The following MTFR1 variants were observed in gnomAD, a reference collection of about 807,000 sequenced individuals.
The protein encoded by MTFR1 is mitochondrial fission regulator 1.
In MTFR1, 28 loss-of-function variants were observed where a neutral mutation model predicts 38.8. That is an observed-to-expected ratio of 0.72 (90% confidence interval 0.53 to 0.99). The LOEUF (loss-of-function observed/expected upper bound fraction) is 0.99. MTFR1 is among the 50% of genes least tolerant of loss of function. MTFR1 has a pLI of 0.00. For synonymous variants in MTFR1, 145 were observed against 137.0 expected (o/e 1.06, Z -0.41); for missense variants, 358 against 395.5 (o/e 0.91, Z 0.81).
chr8:65,729,653 T>C (rs908327158), intron 3 of MTFR1, among the ~76,000 whole-genome samples: 1 of 151,898 alleles, frequency 6.6e-6, no homozygotes, highest in African/African-American at 2.4e-5. Context: ...AGCCTCTGCC[T>C]CCCAGGTTCA....
intron 3 of MTFR1, among the ~76,000 whole-genome samples, chr8:65,748,364 A>G (rs1485818453): frequency 6.6e-6 from 1 of 152,214 alleles, no homozygotes; most frequent in East Asian, 1.9e-4. Context: ...AGTGTTCTAA[A>G]GGATAGGGAT....
At chr8:65,666,290 C>A (rs1265843924) in intron 1 of MTFR1, among the ~76,000 whole-genome samples, 1 of 145,420 alleles carries the variant, frequency 6.9e-6, no homozygotes, top group Non-Finnish European at 1.6e-5. Context: ...GCCTGTAATC[C>A]CAGCTCTCAG....
At chr8:65,655,027 C>T (rs747264421) in intron 1 of MTFR1, among the ~76,000 whole-genome samples, 96 of 152,308 alleles carry the variant, frequency 6.3e-4, no homozygotes, top group Non-Finnish European at 9.6e-4. Flanking sequence ...TTTGCTTCTA[C>T]TGATGTCCAG....
At chr8:65,650,324 A>C (rs1809088440) in intron 1 of MTFR1, among the ~76,000 whole-genome samples, 1 of 145,688 alleles carries the variant, frequency 6.9e-6, no homozygotes. Flanking sequence ...GGCGCCCACC[A>C]TCATGCCCAG....
chr8:65,709,791 TTTC>T lies in MTFR1; in HGVS notation c.*753_*755del, dbSNP rs1478810584. 3 of 152,656 alleles carry T rather than the reference TTTC, an allele frequency of 2.0e-5. No homozygotes were observed. The highest frequency in any genetic ancestry group is 3.8e-4 in the East Asian group (2 of 5,204). 9.5% of individuals were successfully genotyped at this position (152,656 alleles called of 1,614,324 possible). On this transcript the variant is annotated 3_prime_UTR_variant, in exon 8 of 8. Transcript: ENST00000262146. Reference sequence around the variant, plus strand: ...TGATGAATCAAATTATTGAATTAAATTTCTTCTTAAGAAGTAAAAACTCAGAAT... The same window carrying T: ...TGATGAATCAAATTATTGAATTAAATTTCTTAAGAAGTAAAAACTCAGAAT...
At chr8:65,712,611 A>ATGTTT (rs1444939561), downstream of MTFR1, among the ~76,000 whole-genome samples, 3 of 152,214 alleles carry the variant, frequency 2.0e-5, no homozygotes, top group Admixed American at 1.3e-4. Context: ...AGGAACAGAC[A>ATGTTT]TGTTATAGGT....
chr8:65,737,504 A>AATT (rs979537579), intron 3 of MTFR1, among the ~76,000 whole-genome samples: 11 of 152,156 alleles, frequency 7.2e-5, no homozygotes, highest in Non-Finnish European at 1.3e-4. Flanking sequence ...TGGTTATATT[A>AATT]ATTATTATTA....
At position 65,669,927 on chromosome 8, in the gene MTFR1, A is replaced by T; in HGVS notation, c.-26A>T. 1.3e-6 allele frequency: 2 copies of T among 1,599,734 alleles called. No individual in the cohort carries two copies. Among genetic ancestry groups the T allele is most frequent in the Non-Finnish European group, 8.5e-7 (1 of 1,175,918 alleles). On this transcript the variant is annotated 5_prime_UTR_variant, in exon 2 of 8. It introduces an in-frame stop codon into an upstream open reading frame of the 5' UTR. Coordinates refer to ENST00000262146, the MANE Select transcript of MTFR1 (RefSeq NM_014637.4). ...ATGCCTGAAGAAGTACTTGAAATGCAAATTTGGGGAGACTTTGCCATATAA... is the reference window on the plus strand; with the variant it reads ...ATGCCTGAAGAAGTACTTGAAATGCTAATTTGGGGAGACTTTGCCATATAA...
At chr8:65,669,199 C>G (rs1360006976) in intron 1 of MTFR1, among the ~76,000 whole-genome samples, 1 of 152,040 alleles carries the variant, frequency 6.6e-6, no homozygotes, top group Admixed American at 6.6e-5. Flanking sequence ...AGCAAATGGA[C>G]CAGTACAGAC....
At chr8:65,727,466 G>C (rs550172286) in intron 3 of MTFR1, 1 of 884,414 alleles carries the variant, frequency 1.1e-6, no homozygotes, top group Non-Finnish European at 1.7e-6. Flanking sequence ...ACATCTGCCA[G>C]GTCCTGATCT....
At chr8:65,736,513 G>A (rs921845513) in intron 3 of MTFR1, among the ~76,000 whole-genome samples, 3 of 152,140 alleles carry the variant, frequency 2.0e-5, no homozygotes, top group African/African-American at 4.8e-5. Flanking sequence ...AGCACTTTGG[G>A]AGGCTGAGGC....
At chr8:65,715,913 C>T (rs1353392539) in intron 2 of MTFR1, among the ~76,000 whole-genome samples, 2 of 140,198 alleles carry the variant, frequency 1.4e-5, no homozygotes, top group East Asian at 2.2e-4. Flanking sequence ...AGGAGAATGG[C>T]GTGAACCCGG....
intron 3 of MTFR1, among the ~76,000 whole-genome samples, chr8:65,685,858 A>G (rs2129054408): frequency 6.6e-6 from 1 of 152,356 alleles, no homozygotes; most frequent in South Asian, 2.1e-4. Context: ...GTCTCTCTAA[A>G]GGAATGACAA....
intron 2 of MTFR1, chr8:65,717,823 T>C (rs1265823720): frequency 6.6e-6 from 1 of 152,066 alleles, no homozygotes; most frequent in Non-Finnish European, 1.5e-5. Context: ...CTGTAAACAA[T>C]TAATAAACAG....
chr8:65,725,298 C>T, intron 3 of MTFR1: 1 of 158,140 alleles, frequency 6.3e-6, no homozygotes, highest in African/African-American at 2.4e-5. Flanking sequence ...GGGTAAACAA[C>T]TTTGGTTTGC....
chr8:65,713,439 A>AC, downstream of MTFR1, among the ~76,000 whole-genome samples: 1 of 137,558 alleles, frequency 7.3e-6, no homozygotes, highest in Admixed American at 7.4e-5. Flanking sequence ...TCCCATCTCA[A>AC]ACACACACAC....
At chr8:65,745,875 T>C (rs1807649315) in intron 3 of MTFR1, among the ~76,000 whole-genome samples, 1 of 152,222 alleles carries the variant, frequency 6.6e-6, no homozygotes, top group Non-Finnish European at 1.5e-5. Context: ...TTCCAGGTAC[T>C]GTTATAAGTT....
At chr8:65,725,702 AAAAC>A (rs1806580647) in intron 3 of MTFR1, 1 of 152,168 alleles carries the variant, frequency 6.6e-6, no homozygotes, top group Non-Finnish European at 1.5e-5. Flanking sequence ...ATTGAATGTT[AAAAC>A]AAACCCTAAA....
intron 3 of MTFR1, among the ~76,000 whole-genome samples, chr8:65,745,136 C>G (rs1250127519): frequency 6.6e-6 from 1 of 152,182 alleles, no homozygotes; most frequent in Non-Finnish European, 1.5e-5. Context: ...TCTCTCTTGC[C>G]TGCCAACATG....
Sources: allele counts gnomAD v4.1 joint callset (sites outside exome capture counted in the v4.1 genomes callset), GRCh38; gene constraint gnomAD v4.1.1; transcripts MANE v1.5; gene names NCBI Gene and HGNC (gene_info 2026-07-23, HGNC 2026-07-21).